The following CADPS2 variants were observed in gnomAD, a reference collection of about 807,000 sequenced individuals.
CADPS2 encodes calcium dependent secretion activator 2, also known as calcium-dependent secretion activator 2.
CADPS2 carries 93 observed loss-of-function variants against 172.5 expected under a neutral mutation model. The observed-to-expected ratio is 0.54, with a 90% CI of 0.46 to 0.64. The LOEUF (loss-of-function observed/expected upper bound fraction) is 0.64. CADPS2 is among the 30% of genes least tolerant of loss of function. The pLI, the probability that CADPS2 is intolerant of heterozygous loss-of-function variation, is 0.00. For missense variants in CADPS2, 1,420 were observed against 1,565.9 expected (o/e 0.91, Z 1.57); for synonymous variants, 546 against 555.2 (o/e 0.98, Z 0.23).
chr7:122,398,781 C>A (rs1016289463), intron 20 of CADPS2, among the ~76,000 whole-genome samples: 2 of 150,678 alleles, frequency 1.3e-5, no homozygotes, highest in African/African-American at 4.9e-5. Context: ...CCCTCCCCAC[C>A]CCTCACCCCT....
At chr7:122,678,421 G>T (rs573228428) in intron 2 of CADPS2, among the ~76,000 whole-genome samples, 1 of 152,290 alleles carries the variant, frequency 6.6e-6, no homozygotes, top group African/African-American at 2.4e-5. Flanking sequence ...TTAATGCAAG[G>T]CTGGCCACAC....
intron 1 of CADPS2, among the ~76,000 whole-genome samples, chr7:122,743,750 G>A (rs765564410): frequency 8.5e-5 from 13 of 152,134 alleles, no homozygotes; most frequent in Non-Finnish European, 1.3e-4. Flanking sequence ...ATAGGAAAAC[G>A]CTAAAGGATC....
chr7:122,527,613 AGAGAGTGTGTGTGT>A (rs1316296698), intron 8 of CADPS2, among the ~76,000 whole-genome samples: 26 of 102,000 alleles, frequency 2.5e-4, no homozygotes, highest in African/African-American at 6.1e-4. Context: ...AGAGAGAGAG[AGAGAGTGTGTGTGT>A]GTGTGTGTGT....
chr7:122,621,999 A>G (rs2075654076), intron 4 of CADPS2, among the ~76,000 whole-genome samples: 1 of 152,150 alleles, frequency 6.6e-6, no homozygotes, highest in African/African-American at 2.4e-5. Flanking sequence ...TTAAGGAAAA[A>G]CAAACTCTGA....
chr7:122,370,577 G>T (rs1392176270), intron 25 of CADPS2, among the ~76,000 whole-genome samples: 1 of 152,106 alleles, frequency 6.6e-6, no homozygotes, highest in African/African-American at 2.4e-5. Flanking sequence ...TAGATAAAGA[G>T]GATTCAGAGA....
intron 1 of CADPS2, among the ~76,000 whole-genome samples, chr7:122,763,372 A>G (rs986114272): frequency 6.6e-6 from 1 of 152,186 alleles, no homozygotes; most frequent in Admixed American, 6.5e-5. Context: ...CTCCACGACA[A>G]TAAGAAATCA....
At position 122,834,540 on chromosome 7, in the gene CADPS2, G is replaced by C. The variant is rs1489396528; in HGVS notation, c.339+51459C>G. Among the ~76,000 whole-genome samples the C allele has an allele frequency of 2.6e-5, 4 of 152,160 alleles. 1 individual carries two copies. The highest frequency in any genetic ancestry group is 5.9e-5 in the Non-Finnish European group (4 of 68,034). On this transcript the variant is annotated intron_variant, in intron 1 of 29. Coordinates refer to ENST00000449022, the MANE Select transcript of CADPS2 (RefSeq NM_017954.11). ...TAAGGGAATTCCCTTTCCTAGCCAAGGAAAGCCGTGACAGACAGCACCTGG... is the reference window on the plus strand; with the variant it reads ...TAAGGGAATTCCCTTTCCTAGCCAACGAAAGCCGTGACAGACAGCACCTGG...
At chr7:122,828,621 A>C (rs1038774765) in intron 1 of CADPS2, among the ~76,000 whole-genome samples, 1 of 152,156 alleles carries the variant, frequency 6.6e-6, no homozygotes, top group Admixed American at 6.6e-5. Flanking sequence ...ACTCATATTT[A>C]AGTTATCTGT....
chr7:122,756,235 T>TA (rs2093155267), intron 1 of CADPS2, among the ~76,000 whole-genome samples: 6 of 152,174 alleles, frequency 3.9e-5, no homozygotes, highest in Admixed American at 3.3e-4. Flanking sequence ...AATATATATA[T>TA]TGGTATGTAC....
intron 20 of CADPS2, among the ~76,000 whole-genome samples, chr7:122,400,461 C>CA (rs1342103029): frequency 1.3e-5 from 2 of 151,222 alleles, no homozygotes; most frequent in Non-Finnish European, 3.0e-5. Context: ...AAAACAAAAA[C>CA]AAAACAAAAC....
At chr7:122,705,477 A>G (rs1010859609) in intron 2 of CADPS2, among the ~76,000 whole-genome samples, 7 of 128,872 alleles carry the variant, frequency 5.4e-5, no homozygotes, top group African/African-American at 2.0e-4. Flanking sequence ...TATTATATAT[A>G]TTTATATTAT....
intron 1 of CADPS2, among the ~76,000 whole-genome samples, chr7:122,856,649 T>G (rs1049227154): frequency 6.6e-6 from 1 of 152,036 alleles, no homozygotes; most frequent in Non-Finnish European, 1.5e-5. Flanking sequence ...TAAAAAAATA[T>G]GCCAAGTGTA....
chr7:122,425,575 C>T (rs574203118), intron 17 of CADPS2, among the ~76,000 whole-genome samples: 5 of 152,098 alleles, frequency 3.3e-5, no homozygotes, highest in African/African-American at 1.2e-4. Flanking sequence ...CAGTGCACTC[C>T]AGCCTAGGTG....
rs1035629968 is a variant in CADPS2, at chr7:122,501,428, G to A, written c.1543-10008C>T. Among the ~76,000 whole-genome samples, 105 of 152,170 alleles carry A rather than the reference G, an allele frequency of 6.9e-4. 1 individual carries two copies. The highest frequency in any genetic ancestry group is 2.4e-3 in the African/African-American group (100 of 41,536). On this transcript the variant is annotated intron_variant, in intron 9 of 29. Coordinates refer to ENST00000449022, the MANE Select transcript of CADPS2 (RefSeq NM_017954.11). ...AACCAAGCTTCACTGAAAAGAAAAT[G>A]AAATATTATACTCTAAGTAATTCTC... is the stretch of plus-strand genomic sequence containing the variant.
At chr7:122,762,013 A>T (rs37907) in intron 1 of CADPS2, among the ~76,000 whole-genome samples, 20,675 of 96,792 alleles carry the variant, frequency 0.21, 1,892 homozygotes, top group African/African-American at 0.31. Context: ...AAAAAAAAAA[A>T]ATATATATAT....
chr7:122,337,342 G>GT (rs1345739953), intron 28 of CADPS2, among the ~76,000 whole-genome samples: 3 of 152,178 alleles, frequency 2.0e-5, no homozygotes, highest in African/African-American at 7.2e-5. Context: ...GCAAAGATGT[G>GT]TATTTCTGGG....
intron 28 of CADPS2, among the ~76,000 whole-genome samples, chr7:122,331,483 C>CA (rs925836866): frequency 9.2e-5 from 14 of 151,874 alleles, no homozygotes; most frequent in African/African-American, 2.9e-4. Context: ...ACTGAAAATA[C>CA]AAAAAATTAG....
intron 1 of CADPS2, among the ~76,000 whole-genome samples, chr7:122,877,252 T>C (rs541254734): frequency 2.0e-5 from 3 of 152,290 alleles, no homozygotes; most frequent in African/African-American, 7.2e-5. Flanking sequence ...TAATGTAATT[T>C]TTGAAAAAGG....
chr7:122,651,737 A>C (rs2079167950), intron 3 of CADPS2, among the ~76,000 whole-genome samples: 1 of 152,174 alleles, frequency 6.6e-6, no homozygotes, highest in African/African-American at 2.4e-5. Flanking sequence ...TGAGATTATA[A>C]AAGATTAATG....
Sources: allele counts gnomAD v4.1 joint callset (sites outside exome capture counted in the v4.1 genomes callset), GRCh38; gene constraint gnomAD v4.1.1; transcripts MANE v1.5; gene names NCBI Gene and HGNC (gene_info 2026-07-23, HGNC 2026-07-21).